Variants in SCN2A observed in about 807,000 individuals in gnomAD.
The protein encoded by SCN2A is sodium channel protein type 2 subunit alpha.
A neutral mutation model predicts 188.7 loss-of-function variants in SCN2A; 20 were observed. That is an observed-to-expected ratio of 0.11 (90% CI 0.07 to 0.15). SCN2A has a LOEUF of 0.15. Ranked by LOEUF, SCN2A falls within the 10% of genes least tolerant of loss-of-function variation. The pLI, the probability that SCN2A is intolerant of heterozygous loss-of-function variation, is 1.00. For synonymous variants in SCN2A, 804 were observed against 833.1 expected, an observed-to-expected ratio of 0.97 and a Z score of 0.60; for missense variants, 1,278 against 2,445.0, an observed-to-expected ratio of 0.52 and a Z score of 10.07.
At chr2:165,278,980 C>T (rs754010422) in intron 1 of SCN2A, among the ~76,000 whole-genome samples, 1 of 151,590 alleles carries the variant, frequency 6.6e-6, no homozygotes, top group Non-Finnish European at 1.5e-5. Context: ...GAAAGGCAGG[C>T]AGGCAGGAAG....
rs7569869 is a variant in SCN2A at position 165,327,179 on chromosome 2, C to G, written c.2149+195C>G. 0.095 allele frequency: 56,699 copies of G among 595,788 alleles called. 3,270 individuals are homozygous for G. Among genetic ancestry groups the G allele is most frequent in the Middle Eastern group, 0.18 (375 of 2,066 alleles). The allele number at this position is 595,788 out of a possible 1,614,324, so 36.9% of individuals were successfully genotyped here. A position where few individuals can be genotyped will look rare whatever the true frequency, so the allele number is the denominator to read the frequency against. ...GATTTTTTTTTTTTATATTTAGCCT[C>G]CAGAAAGCTGCTGCAAATGTAAGGT... On this transcript the variant is annotated intron_variant, in intron 13 of 26. Transcript: ENST00000375437.
rs1553462140 is a variant in SCN2A at position 165,380,724 on chromosome 2, A to C, written c.4441A>C (p.Lys1481Gln). 1 of 1,584,922 alleles carries C rather than the reference A, an allele frequency of 6.3e-7. No individual in the cohort carries two copies. The highest frequency in any genetic ancestry group is 1.1e-5 in the South Asian group (1 of 90,170). ...VIIDNFNQQK[K>Q]KFGGQDIFMT... is the part of the protein sequence containing the mutation. Reference sequence around the variant, plus strand: ...CATAGATAACTTCAACCAACAGAAAAAGAAGATAAGTATATTAAAACTTCA... The same window carrying C: ...CATAGATAACTTCAACCAACAGAAACAGAAGATAAGTATATTAAAACTTCA... Residue 1481 changes from lysine to glutamine, a missense_variant, in exon 24 of 27, where the codon AAG (lysine) becomes CAG (glutamine). Lys to Gln is a moderately conservative substitution (Grantham distance 53). Transcript: ENST00000375437.
At chr2:165,307,698 G>T (rs1442823080) in intron 3 of SCN2A, 150 bp from the exon 4 acceptor site, 1 of 643,776 alleles carries the variant, frequency 1.6e-6, no homozygotes, top group Non-Finnish European at 2.8e-6. Context: ...CTGAGTTATA[G>T]AAATGGCAAA....
At chr2:165,384,256 G>T (rs1355084446) in intron 25 of SCN2A, among the ~76,000 whole-genome samples, 6 of 152,248 alleles carry the variant, frequency 3.9e-5, no homozygotes, top group African/African-American at 1.4e-4. Context: ...GAGGGCAAGA[G>T]AATGGAAATT....
In SCN2A at chr2:165,370,145, T is replaced by C. The variant is rs2105365090; in HGVS notation, c.3695T>C (p.Ile1232Thr). The C allele has an allele frequency of 1.2e-6, 2 of 1,614,096 alleles. No homozygotes were observed. The highest frequency in any genetic ancestry group is 1.7e-6 in the Non-Finnish European group (2 of 1,179,954). Residue 1232 changes from isoleucine to threonine, a missense_variant, in exon 20 of 27, where the codon ATT becomes ACT. Around this residue, in one of 17 missense-constraint regions of SCN2A, gnomAD observed 228 missense variants for 297.3 expected, o/e 0.77. Transcript: ENST00000375437. ...TTACAGGCCTTTGAAGATATATACATTGAGCAGCGAAAAACCATTAAGACC... is the reference window on the plus strand; with the variant it reads ...TTACAGGCCTTTGAAGATATATACACTGAGCAGCGAAAAACCATTAAGACC... ...SGALAFEDIY[I>T]EQRKTIKTML...
intron 1 of SCN2A, 62 bp downstream of exon 1, chr2:165,239,702 A>T (rs1693535133): frequency 8.0e-6 from 6 of 752,136 alleles, no homozygotes; most frequent in Non-Finnish European, 9.7e-6. Context: ...TAAGAATGAC[A>T]TTTAATATAA....
At chr2:165,303,270 G>GTTTCTTTTT (rs1696920442) in intron 3 of SCN2A, among the ~76,000 whole-genome samples, 1 of 91,330 alleles carries the variant, frequency 1.1e-5, no homozygotes, top group Non-Finnish European at 2.1e-5. Context: ...TGTTATTTGA[G>GTTTCTTTTT]TTTTTTTTTT....
intron 19 of SCN2A, among the ~76,000 whole-genome samples, chr2:165,368,156 G>A (rs1700827589): frequency 6.6e-6 from 1 of 152,112 alleles, no homozygotes; most frequent in African/African-American, 2.4e-5. Flanking sequence ...AAAGGAGATG[G>A]AGCAGGAAGG....
At chr2:165,278,510 C>T (rs1695442852) in intron 1 of SCN2A, among the ~76,000 whole-genome samples, 1 of 152,104 alleles carries the variant, frequency 6.6e-6, no homozygotes, top group African/African-American at 2.4e-5. Flanking sequence ...GGGAAACCAC[C>T]CCCATGGTTC....
At chr2:165,348,603 C>G (rs1033363026) in intron 16 of SCN2A, among the ~76,000 whole-genome samples, 1 of 152,082 alleles carries the variant, frequency 6.6e-6, no homozygotes, top group Non-Finnish European at 1.5e-5. Context: ...AAACAATAAA[C>G]ACTGATTACT....
intron 11 of SCN2A, chr2:165,320,493 T>C (rs567451931): frequency 2.0e-5 from 3 of 152,280 alleles, no homozygotes; most frequent in Non-Finnish European, 4.4e-5. Context: ...CACATTTCCC[T>C]TCCTCACTGC....
intron 21 of SCN2A, 140 bp downstream of exon 21, chr2:165,373,487 T>C: frequency 2.1e-6 from 2 of 942,658 alleles, no homozygotes; most frequent in Non-Finnish European, 3.2e-6. Flanking sequence ...AAAATAATAT[T>C]TACCAGATGC....
At chr2:165,284,186 T>A (rs1574497560) in intron 1 of SCN2A, among the ~76,000 whole-genome samples, 1 of 152,118 alleles carries the variant, frequency 6.6e-6, no homozygotes, top group Non-Finnish European at 1.5e-5. Context: ...TTATTTATTT[T>A]TTGAGACAGA....
chr2:165,308,884 A>G (rs946814096), intron 5 of SCN2A, 90 bp downstream of exon 5: 24 of 1,491,272 alleles, frequency 1.6e-5, no homozygotes, highest in Non-Finnish European at 2.1e-5. Context: ...GCCTTGACAG[A>G]CCAAGCATTT....
chr2:165,286,914 G>C (rs1381460636), intron 1 of SCN2A, among the ~76,000 whole-genome samples: 2 of 152,138 alleles, frequency 1.3e-5, no homozygotes, highest in Non-Finnish European at 2.9e-5. Flanking sequence ...AGATTTGAAT[G>C]GAGGTTGTTT....
intron 22 of SCN2A, among the ~76,000 whole-genome samples, chr2:165,375,368 AGT>A (rs3030660): frequency 0.085 from 12,670 of 149,600 alleles, 604 homozygotes; most frequent in Middle Eastern, 0.25. Flanking sequence ...GATAAAGAAA[AGT>A]GTGTGTGTGT....
At chr2:165,329,420 A>G (rs1698555069) in intron 13 of SCN2A, among the ~76,000 whole-genome samples, 1 of 152,160 alleles carries the variant, frequency 6.6e-6, no homozygotes, top group Non-Finnish European at 1.5e-5. Context: ...GGAATAATGG[A>G]GATGTGGCTG....
chr2:165,240,721 G>A (rs1559309997), intron 1 of SCN2A, among the ~76,000 whole-genome samples: 1 of 146,366 alleles, frequency 6.8e-6, no homozygotes, highest in Non-Finnish European at 1.5e-5. Context: ...GGCGGTGGAG[G>A]TGCATCAGGA....
At chr2:165,265,497 A>C (rs1260025207) in intron 1 of SCN2A, among the ~76,000 whole-genome samples, 31 of 124,222 alleles carry the variant, frequency 2.5e-4, no homozygotes, top group Non-Finnish European at 4.0e-4. Context: ...ATATATATAT[A>C]TATATATATA....
Sources: gnomAD v4.1 joint callset for allele counts (sites outside exome capture counted in the v4.1 genomes callset) on GRCh38, gnomAD v4.1.1 for gene constraint, gnomAD v4.1.1 regional missense constraint, MANE v1.5 for transcripts, NCBI Gene and HGNC (gene_info 2026-07-23, HGNC 2026-07-21) for gene names.